DPF3: variants seen among roughly 807,000 people sequenced by gnomAD.
DPF3 encodes the protein zinc finger protein DPF3.
Under a neutral mutation model 56.8 loss-of-function variants are expected in DPF3, and 18 were observed. The ratio of observed to expected loss-of-function variants is 0.32; its 90% confidence interval spans 0.22 to 0.47. The LOEUF (loss-of-function observed/expected upper bound fraction) is 0.47. Among genes scored for constraint, DPF3 ranks in the 20% least tolerant of loss-of-function variants. The pLI is 1.00. For synonymous variants in DPF3, 188 were observed against 180.2 expected (o/e 1.04, Z -0.35); for missense variants, 403 against 488.8 (o/e 0.82, Z 1.65).
At chr14:72,755,048 C>G (rs1224597821) in intron 2 of DPF3, among the ~76,000 whole-genome samples, 1 of 152,240 alleles carries the variant, frequency 6.6e-6, no homozygotes, top group African/African-American at 2.4e-5. Context: ...AGAGGGACTC[C>G]AGAAGTGGAG....
intron 2 of DPF3, among the ~76,000 whole-genome samples, chr14:72,759,152 T>A (rs142793670): frequency 1.9e-3 from 292 of 152,274 alleles, no homozygotes; most frequent in Middle Eastern, 6.8e-3. Context: ...AACTATAATG[T>A]GCAAGATGAA....
chr14:72,615,123 C>T lies in DPF3; in HGVS notation c.*4174G>A, dbSNP rs1443565568. On this transcript the variant is annotated 3_prime_UTR_variant, in exon 11 of 11. Coordinates refer to ENST00000556509, the MANE Select transcript of DPF3 (RefSeq NM_001280542.3). ...CTGAAGAGGGGCTAGGAGGGGCAGCCGGGGAGTGAGAGAAGAAGGGGCTGC... is the reference window on the plus strand; with the variant it reads ...CTGAAGAGGGGCTAGGAGGGGCAGCTGGGGAGTGAGAGAAGAAGGGGCTGC... 2.0e-5 allele frequency among the ~76,000 whole-genome samples: 3 copies of T among 152,236 alleles called. No individual in the cohort carries two copies. Among genetic ancestry groups the T allele is most frequent in the East Asian group, 1.9e-4 (1 of 5,156 alleles).
chr14:72,838,465 G>A (rs1310238570), intron 1 of DPF3, among the ~76,000 whole-genome samples: 1 of 151,998 alleles, frequency 6.6e-6, no homozygotes, highest in Non-Finnish European at 1.5e-5. Context: ...CTGCACTCCT[G>A]CCTGGGCAAC....
At chr14:72,842,908 AGCTACTCAGGAGGCTGAG>A (rs972126406) in intron 1 of DPF3, among the ~76,000 whole-genome samples, 5 of 152,154 alleles carry the variant, frequency 3.3e-5, no homozygotes, top group Admixed American at 2.6e-4. Context: ...TTGTTATCCC[AGCTACTCAGGAGGCTGAG>A]GCAAGAGAAT....
intron 1 of DPF3, among the ~76,000 whole-genome samples, chr14:72,804,230 C>T (rs974591936): frequency 2.7e-5 from 4 of 150,354 alleles, no homozygotes; most frequent in Non-Finnish European, 5.9e-5. Flanking sequence ...CACACGCAGA[C>T]AAAGATTCCC....
intron 8 of DPF3, among the ~76,000 whole-genome samples, chr14:72,634,724 T>C (rs1164175086): frequency 1.3e-5 from 2 of 150,038 alleles, no homozygotes; most frequent in Admixed American, 6.7e-5. Flanking sequence ...TGCACCAACC[T>C]AATACTTGCT....
intron 1 of DPF3, among the ~76,000 whole-genome samples, chr14:72,842,107 C>T (rs550234272): frequency 1.6e-4 from 22 of 138,648 alleles, no homozygotes; most frequent in African/African-American, 5.8e-4. Context: ...AAAAAAAAAA[C>T]CTCAAAACCT....
chr14:72,687,465 C>T (rs566701307), intron 7 of DPF3, among the ~76,000 whole-genome samples: 46 of 152,300 alleles, frequency 3.0e-4, no homozygotes, highest in Middle Eastern at 3.4e-3. Context: ...CTAGTAATTG[C>T]TACTCTGGCT....
At chr14:72,648,734 C>T (rs1256151402) in intron 8 of DPF3, among the ~76,000 whole-genome samples, 1 of 152,084 alleles carries the variant, frequency 6.6e-6, no homozygotes, top group African/African-American at 2.4e-5. Context: ...TACCTCTCAC[C>T]CTGAGAATTT....
chr14:72,717,458 C>T (rs2153576095), intron 5 of DPF3, among the ~76,000 whole-genome samples: 1 of 152,328 alleles, frequency 6.6e-6, no homozygotes, highest in South Asian at 2.1e-4. Context: ...CTTGCCTAGG[C>T]TGATCTCTCT....
chr14:72,808,022 C>T, intron 1 of DPF3, among the ~76,000 whole-genome samples: 1 of 152,146 alleles, frequency 6.6e-6, no homozygotes, highest in Non-Finnish European at 1.5e-5. Flanking sequence ...CTCCCTCCCT[C>T]CCTGAGGGTC....
intron 1 of DPF3, among the ~76,000 whole-genome samples, chr14:72,873,365 A>G (rs1043807468): frequency 1.5e-4 from 23 of 152,206 alleles, no homozygotes; most frequent in Non-Finnish European, 2.5e-4. Context: ...AATCAAAACC[A>G]CAATGAGATA....
At chr14:72,723,764 C>T (rs181599478) in intron 4 of DPF3, 36 bp from the exon 5 acceptor site, 51 of 1,545,524 alleles carry the variant, frequency 3.3e-5, no homozygotes, top group Middle Eastern at 3.4e-4. Flanking sequence ...AGGTGAGAAA[C>T]GAAATGCAAA....
intron 6 of DPF3, among the ~76,000 whole-genome samples, chr14:72,713,563 G>A (rs914594918): frequency 1.3e-5 from 2 of 152,218 alleles, no homozygotes; most frequent in Admixed American, 6.5e-5. Flanking sequence ...CTCCTATGGC[G>A]AAGCTCTGCA....
intron 7 of DPF3, among the ~76,000 whole-genome samples, chr14:72,676,151 A>G (rs1031234040): frequency 6.6e-6 from 1 of 152,316 alleles, no homozygotes; most frequent in Middle Eastern, 3.4e-3. Flanking sequence ...GAAAGAAGAG[A>G]TAGGGTATAC....
At chr14:72,714,306 A>G (rs1888797626) in intron 6 of DPF3, 117 bp downstream of exon 6, 3 of 1,283,590 alleles carry the variant, frequency 2.3e-6, no homozygotes, top group East Asian at 4.8e-5. Flanking sequence ...GTGCAGACAG[A>G]GGAAGAGGAG....
At chr14:72,839,272 G>A (rs1884451487) in intron 1 of DPF3, among the ~76,000 whole-genome samples, 1 of 151,990 alleles carries the variant, frequency 6.6e-6, no homozygotes, top group African/African-American at 2.4e-5. Flanking sequence ...CCCATTTTCT[G>A]AATGAGAAAA....
chr14:72,795,485 C>T (rs1044562316), intron 1 of DPF3, among the ~76,000 whole-genome samples: 5 of 151,976 alleles, frequency 3.3e-5, no homozygotes, highest in Admixed American at 1.3e-4. Flanking sequence ...GAATAAAGAA[C>T]AAAATGCACG....
intron 8 of DPF3, among the ~76,000 whole-genome samples, chr14:72,659,820 T>C (rs778510849): frequency 3.3e-5 from 5 of 152,364 alleles, no homozygotes; most frequent in Middle Eastern, 3.4e-3. Context: ...CATCAAAAGA[T>C]ACATGGATAA....
Sources: allele counts gnomAD v4.1 joint callset (sites outside exome capture counted in the v4.1 genomes callset), GRCh38; gene constraint gnomAD v4.1.1; transcripts MANE v1.5; gene names NCBI Gene and HGNC (gene_info 2026-07-23, HGNC 2026-07-21).